The following PARD3B variants were observed in gnomAD, a reference collection of about 807,000 sequenced individuals.
PARD3B encodes partitioning defective 3 homolog B.
Under a neutral mutation model 130.2 loss-of-function variants are expected in PARD3B, and 103 were observed. That is an observed-to-expected ratio of 0.79 (90% confidence interval 0.67 to 0.93). The LOEUF is 0.93. Among genes scored for constraint, PARD3B ranks in the 40% least tolerant of loss-of-function variants. The probability of loss-of-function intolerance (pLI) is 0.00; values close to 1 mark genes in which losing one functional copy is unlikely to be tolerated. For synonymous variants in PARD3B, 583 were observed against 553.2 expected (o/e 1.05, Z -0.76); for missense variants, 1,609 against 1,499.2 (o/e 1.07, Z -1.21).
chr2:204,867,582 T>G (rs2045474977), intron 2 of PARD3B, among the ~76,000 whole-genome samples: 1 of 152,208 alleles, frequency 6.6e-6, no homozygotes, highest in Admixed American at 6.5e-5. Context: ...GTCTTTAAAA[T>G]GCACCTTTGA....
intron 1 of PARD3B, among the ~76,000 whole-genome samples, chr2:204,671,408 T>A (rs2125207764): frequency 6.6e-6 from 1 of 152,258 alleles, no homozygotes; most frequent in East Asian, 1.9e-4. Context: ...GTCAGGCAGC[T>A]TTTGTTCACC....
chr2:205,077,719 G>A (rs894590204), intron 4 of PARD3B, among the ~76,000 whole-genome samples: 2 of 152,074 alleles, frequency 1.3e-5, no homozygotes, highest in African/African-American at 2.4e-5. Context: ...GAATAGGGAC[G>A]TCTGGGATAT....
At chr2:204,655,185 C>T (rs911010261) in intron 1 of PARD3B, among the ~76,000 whole-genome samples, 3 of 152,184 alleles carry the variant, frequency 2.0e-5, no homozygotes, top group African/African-American at 7.2e-5. Context: ...ATTCCTTGTC[C>T]AGTTACCAAT....
rs199960729 is a variant in PARD3B, at chr2:205,523,225, G to T, written c.3180+23194G>T. Among the ~76,000 whole-genome samples, 49 of 142,958 alleles carry T rather than the reference G, an allele frequency of 3.4e-4. No individual in the cohort carries two copies. In the South Asian group the frequency reaches 9.1e-3, roughly 27 times the overall value. 93.8% of individuals were successfully genotyped at this position (142,958 alleles called of 152,430 possible). ...GTGTACTATATGTGTGTGTGTGTGT[G>T]TATATATATATATATATTTATATAT... On this transcript the variant is annotated intron_variant, in intron 21 of 22. Transcript: ENST00000406610.
chr2:205,499,908 G>A lies in PARD3B; in HGVS notation c.3057G>A (p.Thr1019=), dbSNP rs972231753. 17 of 1,613,492 alleles carry A rather than the reference G, an allele frequency of 1.1e-5. No homozygotes were observed. Among genetic ancestry groups the A allele is most frequent in the South Asian group, 9.9e-5 (9 of 91,054 alleles). Residue 1019 remains threonine (T), a synonymous_variant, in exon 21 of 23, where the codon ACG becomes ACA. Transcript: ENST00000406610. ...PLVPADSGRP[T]GGSTDRIQKL... is the part of the protein sequence containing the mutation. ...CTATATCCTGTAGTGGCCGTCCTAC[G>A]GGTGGAAGCACTGACCGTATCCAGA...
intron 4 of PARD3B, among the ~76,000 whole-genome samples, chr2:205,087,883 A>T (rs760199976): frequency 1.3e-5 from 2 of 152,220 alleles, no homozygotes; most frequent in African/African-American, 4.8e-5. Context: ...TTATCATTCC[A>T]TGTGAATATC....
chr2:205,302,105 G>A (rs367802009), intron 18 of PARD3B, among the ~76,000 whole-genome samples: 1 of 103,032 alleles, frequency 9.7e-6, no homozygotes, highest in South Asian at 3.3e-4. Flanking sequence ...GTCGCGCTTT[G>A]TCGCCCAGGC....
intron 2 of PARD3B, among the ~76,000 whole-genome samples, chr2:204,794,193 C>T (rs1448090392): frequency 1.3e-5 from 2 of 152,046 alleles, no homozygotes; most frequent in African/African-American, 4.8e-5. Flanking sequence ...CAGAACATTC[C>T]TATACAAAAT....
chr2:205,505,387 TAAAA>T (rs976350440), intron 21 of PARD3B, among the ~76,000 whole-genome samples: 4 of 107,692 alleles, frequency 3.7e-5, no homozygotes, highest in African/African-American at 1.5e-4. Flanking sequence ...ACTTAAATAA[TAAAA>T]AAATAAAATA....
intron 1 of PARD3B, among the ~76,000 whole-genome samples, chr2:204,653,093 A>G (rs770032161): frequency 6.6e-6 from 1 of 151,012 alleles, no homozygotes; most frequent in Non-Finnish European, 1.5e-5. Flanking sequence ...AAACTCATGG[A>G]CACAACAGAC....
chr2:204,765,213 G>C (rs1027591190), intron 2 of PARD3B, among the ~76,000 whole-genome samples: 1 of 152,178 alleles, frequency 6.6e-6, no homozygotes, highest in African/African-American at 2.4e-5. Flanking sequence ...GTGGTTGCCA[G>C]ACCAGCATCA....
At chr2:204,707,465 T>G (rs1271971952) in intron 2 of PARD3B, among the ~76,000 whole-genome samples, 1 of 152,198 alleles carries the variant, frequency 6.6e-6, no homozygotes, top group African/African-American at 2.4e-5. Flanking sequence ...GTATTGAAAC[T>G]TTTCTTGGTA....
chr2:204,716,845 A>G (rs1343006190), intron 2 of PARD3B, among the ~76,000 whole-genome samples: 2 of 152,104 alleles, frequency 1.3e-5, no homozygotes, highest in East Asian at 3.9e-4. Context: ...GATGGTTTCA[A>G]TCTCCTGACC....
At chr2:205,104,985 T>C (rs1487757295) in intron 5 of PARD3B, among the ~76,000 whole-genome samples, 1 of 151,970 alleles carries the variant, frequency 6.6e-6, no homozygotes, top group African/African-American at 2.4e-5. Context: ...TCAACCAGGG[T>C]TTTTCATGTT....
rs2039371649 is a variant in PARD3B at position 205,241,933 on chromosome 2, T to C, written c.2141-3845T>C. ...TTATAAAGGAAGTTGGTATTAATTA[T>C]AACACTTGCCATTTAAAAAAAAACT... On this transcript the variant is annotated intron_variant, in intron 15 of 22. Coordinates refer to ENST00000406610, the MANE Select transcript of PARD3B (RefSeq NM_001302769.2). This position sits in a 1 kb window ranked among gnomAD's most constrained non-coding sequence, Gnocchi z 4.2. 6.6e-6 allele frequency among the ~76,000 whole-genome samples: 1 copy of C among 152,198 alleles called. No individual in the cohort carries two copies. Among genetic ancestry groups the C allele is most frequent in the African/African-American group, 2.4e-5 (1 of 41,452 alleles).
chr2:205,169,030 A>G (rs1020033371), intron 11 of PARD3B, among the ~76,000 whole-genome samples: 1 of 152,202 alleles, frequency 6.6e-6, no homozygotes, highest in Non-Finnish European at 1.5e-5. Context: ...GCATCCCATT[A>G]TTCATCTGTA....
At chr2:205,126,663 G>T (rs370972208) in intron 10 of PARD3B, among the ~76,000 whole-genome samples, 1 of 145,732 alleles carries the variant, frequency 6.9e-6, no homozygotes, top group Non-Finnish European at 1.5e-5. Flanking sequence ...GGAGAATGGC[G>T]TGAACCCGGG....
At chr2:205,613,798 C>T (rs1490289324) in intron 22 of PARD3B, among the ~76,000 whole-genome samples, 2 of 152,200 alleles carry the variant, frequency 1.3e-5, no homozygotes, top group African/African-American at 4.8e-5. Context: ...TCTACATGCA[C>T]CGAGCTGGGA....
chr2:205,429,201 A>G (rs1296723312), intron 19 of PARD3B, among the ~76,000 whole-genome samples: 1 of 152,216 alleles, frequency 6.6e-6, no homozygotes, highest in Non-Finnish European at 1.5e-5. Flanking sequence ...TAAGTTTATA[A>G]TTATGTTCAC....
Sources: allele counts gnomAD v4.1 joint callset (sites outside exome capture counted in the v4.1 genomes callset), GRCh38; gene constraint gnomAD v4.1.1; non-coding constraint Gnocchi (gnomAD v3.1); transcripts MANE v1.5; gene names NCBI Gene and HGNC (gene_info 2026-07-23, HGNC 2026-07-21).